DPP6: variants seen among roughly 807,000 people sequenced by gnomAD.
DPP6 encodes the protein A-type potassium channel modulatory protein DPP6.
In DPP6, 69 loss-of-function variants were observed where a neutral mutation model predicts 122.6. That is an observed-to-expected ratio of 0.56 (90% CI 0.46 to 0.69). DPP6 has a LOEUF of 0.69. DPP6 is among the 30% of genes least tolerant of loss of function. The probability of loss-of-function intolerance (pLI) is 0.00; values close to 1 mark genes in which losing one functional copy is unlikely to be tolerated. For missense variants in DPP6, 928 were observed against 1,116.9 expected (o/e 0.83, Z 2.41); for synonymous variants, 418 against 433.1 (o/e 0.97, Z 0.43).
intron 1 of DPP6, among the ~76,000 whole-genome samples, chr7:154,267,644 A>G (rs190467759): frequency 1.2e-3 from 181 of 150,816 alleles, no homozygotes; most frequent in African/African-American, 4.1e-3. Context: ...ACATGCACAC[A>G]TATATGCACA....
intron 7 of DPP6, among the ~76,000 whole-genome samples, chr7:154,671,809 A>G (rs1838572938): frequency 6.6e-6 from 1 of 152,136 alleles, no homozygotes; most frequent in Admixed American, 6.5e-5. Context: ...AACAAAACAA[A>G]GTAAATGACA....
chr7:153,944,948 T>C (rs1329942192), intron 1 of DPP6, among the ~76,000 whole-genome samples: 1 of 152,078 alleles, frequency 6.6e-6, no homozygotes, highest in East Asian at 1.9e-4. Context: ...CCAAGCTGTT[T>C]TTTGCCTCAA....
chr7:154,645,392 A>G (rs1382672041), intron 6 of DPP6, among the ~76,000 whole-genome samples: 1 of 151,856 alleles, frequency 6.6e-6, no homozygotes, highest in Non-Finnish European at 1.5e-5. Flanking sequence ...GATTTTCAGA[A>G]CTGTGAACAA....
At chr7:153,759,803 G>T in the DPP6 span, among the ~76,000 whole-genome samples, 5 of 152,206 alleles carry the variant, frequency 3.3e-5, no homozygotes, top group African/African-American at 1.2e-4. Context: ...TTTAAGTTAG[G>T]CAAGTGCTTT....
At chr7:153,895,521 T>C (rs2128995748) in intron 1 of DPP6, among the ~76,000 whole-genome samples, 1 of 152,326 alleles carries the variant, frequency 6.6e-6, no homozygotes, top group South Asian at 2.1e-4. Context: ...CATCATGATT[T>C]CTTCTGCATT....
chr7:154,405,375 A>G (rs1057353993), intron 1 of DPP6, among the ~76,000 whole-genome samples: 1 of 152,192 alleles, frequency 6.6e-6, no homozygotes, highest in African/African-American at 2.4e-5. Context: ...ACGTGCATGT[A>G]CTGGTGTTTT....
chr7:154,791,356 G>C (rs897633139), intron 10 of DPP6, among the ~76,000 whole-genome samples: 7 of 152,202 alleles, frequency 4.6e-5, no homozygotes, highest in South Asian at 2.1e-4. Flanking sequence ...CATGGCTGGG[G>C]AGGCCTCACA....
At chr7:154,651,967 G>C (rs1281604926) in intron 6 of DPP6, among the ~76,000 whole-genome samples, 1 of 152,158 alleles carries the variant, frequency 6.6e-6, no homozygotes, top group Non-Finnish European at 1.5e-5. Flanking sequence ...CCCCAAATTA[G>C]ATAAGATCAA....
At chr7:154,886,328 G>A (rs1334490445) in intron 22 of DPP6, among the ~76,000 whole-genome samples, 1 of 152,230 alleles carries the variant, frequency 6.6e-6, no homozygotes, top group Non-Finnish European at 1.5e-5. Flanking sequence ...ATGAGCACAA[G>A]GCAGAGATGG....
intron 1 of DPP6, among the ~76,000 whole-genome samples, chr7:154,110,856 G>A (rs1806522212): frequency 6.6e-6 from 1 of 151,948 alleles, no homozygotes; most frequent in South Asian, 2.1e-4. Flanking sequence ...TGTCTGGATA[G>A]AAGAGAAAAT....
At chr7:154,416,148 G>C (rs945216364) in intron 1 of DPP6, among the ~76,000 whole-genome samples, 2 of 152,090 alleles carry the variant, frequency 1.3e-5, no homozygotes, top group Non-Finnish European at 2.9e-5. Flanking sequence ...GCTCCATCCT[G>C]CTCCGTCCTG....
the DPP6 span, among the ~76,000 whole-genome samples, chr7:153,808,225 G>A: frequency 8.8e-5 from 13 of 148,340 alleles, no homozygotes; most frequent in East Asian, 1.2e-3. Flanking sequence ...CTGAGTGTGC[G>A]TGCCTGAGTG....
chr7:154,271,967 C>A (rs1803821695), intron 1 of DPP6, among the ~76,000 whole-genome samples: 1 of 152,156 alleles, frequency 6.6e-6, no homozygotes, highest in Non-Finnish European at 1.5e-5. Flanking sequence ...AACCAAAACT[C>A]TTAGCTATGT....
intron 1 of DPP6, among the ~76,000 whole-genome samples, chr7:154,226,923 G>A (rs754791932): frequency 1.3e-5 from 2 of 152,084 alleles, no homozygotes; most frequent in Admixed American, 6.6e-5. Context: ...CCTTCAACCA[G>A]TTTCAAGGAT....
intron 18 of DPP6, among the ~76,000 whole-genome samples, chr7:154,870,146 C>CTCTT: frequency 8.2e-6 from 1 of 121,696 alleles, no homozygotes; most frequent in South Asian, 2.8e-4. Context: ...CCAACTAATT[C>CTCTT]TTTTTTTTTT....
chr7:154,399,848 T>C (rs1815416349), intron 1 of DPP6, among the ~76,000 whole-genome samples: 1 of 152,048 alleles, frequency 6.6e-6, no homozygotes, highest in Admixed American at 6.6e-5. Context: ...AGGGTAGGGG[T>C]GCTTCATGGA....
chr7:154,775,257 A>G (rs913721505), intron 10 of DPP6, among the ~76,000 whole-genome samples: 6 of 152,114 alleles, frequency 3.9e-5, no homozygotes, highest in African/African-American at 1.2e-4. Flanking sequence ...AATGGAGATA[A>G]TTTTAATAAG....
At chr7:154,355,168 GT>G (rs1488188508) in intron 1 of DPP6, among the ~76,000 whole-genome samples, 1 of 152,080 alleles carries the variant, frequency 6.6e-6, no homozygotes, top group African/African-American at 2.4e-5. Context: ...ACCTATTCAA[GT>G]TTTTTGCTCA....
At chr7:154,757,709 C>G (rs1466368371) in intron 8 of DPP6, among the ~76,000 whole-genome samples, 1 of 152,196 alleles carries the variant, frequency 6.6e-6, no homozygotes, top group Non-Finnish European at 1.5e-5. Flanking sequence ...ACAGCACTGG[C>G]ATAGTCGTGG....
Sources: allele counts gnomAD v4.1 joint callset (sites outside exome capture counted in the v4.1 genomes callset), GRCh38; gene constraint gnomAD v4.1.1; transcripts MANE v1.5; gene names NCBI Gene and HGNC (gene_info 2026-07-23, HGNC 2026-07-21).